The following CUL4A variants were observed in gnomAD, a reference collection of about 807,000 sequenced individuals.
The protein encoded by CUL4A is cullin 4A.
CUL4A carries 16 observed loss-of-function variants against 95.5 expected under a neutral mutation model. The observed-to-expected ratio is 0.17, with a 90% CI of 0.11 to 0.25. The LOEUF (loss-of-function observed/expected upper bound fraction) is 0.25. CUL4A is among the 10% of genes least tolerant of loss of function. CUL4A has a pLI of 1.00. For synonymous variants in CUL4A, 380 were observed against 353.1 expected (o/e 1.08, Z -0.85); for missense variants, 610 against 937.0 (o/e 0.65, Z 4.56).
rs374865686 is a variant in CUL4A, at chr13:113,221,990, A to G, written c.368+2942A>G. Among the ~76,000 whole-genome samples, 18 of 152,304 alleles carry G rather than the reference A, an allele frequency of 1.2e-4. No individual in the cohort carries two copies. The East Asian group carries it at 3.1e-3, about 26-fold the overall frequency. On this transcript the variant is annotated intron_variant, in intron 3 of 19. Coordinates refer to ENST00000375440, the MANE Select transcript of CUL4A (RefSeq NM_001008895.4). ...CGAAGCGATGTCTGGGCCATGTCCT[A>G]AAGGATGGATGAGGAAGTGGCAGGC...
intron 15 of CUL4A, among the ~76,000 whole-genome samples, chr13:113,250,308 C>T (rs1003408814): frequency 6.6e-5 from 10 of 151,940 alleles, no homozygotes; most frequent in African/African-American, 9.7e-5. Context: ...ACAGATTAGC[C>T]GCATGTCGTG....
chr13:113,255,716 C>T (rs1027475990), intron 18 of CUL4A, among the ~76,000 whole-genome samples: 2 of 152,094 alleles, frequency 1.3e-5, no homozygotes, highest in Non-Finnish European at 2.9e-5. Flanking sequence ...TGAGGTTCAC[C>T]GTGTCTTTTC....
At position 113,231,991 on chromosome 13, in the gene CUL4A, C is replaced by T. The variant is rs1043697429; in HGVS notation, c.513-1186C>T. Among the ~76,000 whole-genome samples, 12 of 151,318 alleles carry T rather than the reference C, an allele frequency of 7.9e-5. 1 individual carries two copies. Among genetic ancestry groups the T allele is most frequent in the Non-Finnish European group, 1.0e-4 (7 of 67,796 alleles). On this transcript the variant is annotated intron_variant, in intron 5 of 19. Transcript: ENST00000375440. ...TATTAATAATACTACCACCACCACC[C>T]GCCTACCACTGTTACTACTGCCACC...
In CUL4A at chr13:113,227,966, A is replaced by G. The variant is rs996633592; in HGVS notation, c.369-10A>G. 5 of 1,575,666 alleles carry G rather than the reference A, an allele frequency of 3.2e-6. No homozygotes were observed. The highest frequency in any genetic ancestry group is 1.4e-5 in the African/African-American group (1 of 73,760). On this transcript the variant is annotated splice_polypyrimidine_tract_variant and intron_variant, in intron 3 of 19. Coordinates refer to ENST00000375440, the MANE Select transcript of CUL4A (RefSeq NM_001008895.4). ...CAGCATTTTTAAAGTTTTCCTTAGC[A>G]GATCTGTACAGACTCACTAGATAGT...
At chr13:113,223,746 T>C (rs924818519) in intron 3 of CUL4A, among the ~76,000 whole-genome samples, 5 of 152,198 alleles carry the variant, frequency 3.3e-5, no homozygotes, top group Admixed American at 6.5e-5. Context: ...TATGCTGATA[T>C]TAGATTATAG....
At chr13:113,208,763 G>T (rs548394915), upstream of CUL4A, 3 of 1,445,752 alleles carry the variant, frequency 2.1e-6, no homozygotes, top group Non-Finnish European at 2.7e-6. Context: ...GTTGGTTCCG[G>T]AGGGAGAACC....
At position 113,230,364 on chromosome 13, in the gene CUL4A, C is replaced by T. The variant is rs1253843321; in HGVS notation, c.512+845C>T. ...TCGGTGACCTGCCAGTTACCAAATC[C>T]AGCAAGCATTTTTGTCCTTATTTTA... On this transcript the variant is annotated intron_variant, in intron 5 of 19. Transcript: ENST00000375440. 2.0e-5 allele frequency among the ~76,000 whole-genome samples: 3 copies of T among 152,172 alleles called. No homozygotes were observed. The East Asian group carries it at 5.8e-4, about 29-fold the overall frequency.
chr13:113,245,514 C>T (rs1474627485), intron 14 of CUL4A, among the ~76,000 whole-genome samples: 2 of 152,118 alleles, frequency 1.3e-5, no homozygotes, highest in Non-Finnish European at 2.9e-5. Flanking sequence ...TGCACCACTG[C>T]GCTCCAGCCT....
chr13:113,262,336 A>G (rs1264569936), intron 19 of CUL4A, among the ~76,000 whole-genome samples: 1 of 152,192 alleles, frequency 6.6e-6, no homozygotes, highest in East Asian at 1.9e-4. Flanking sequence ...CATGGCATGC[A>G]ATAACTATGT....
intron 3 of CUL4A, chr13:113,219,369 C>G (rs369803040): frequency 9.4e-4 from 211 of 224,356 alleles, no homozygotes; most frequent in African/African-American, 4.7e-3. Context: ...AAAGTCCCAT[C>G]GACTTGGCGA....
intron 5 of CUL4A, among the ~76,000 whole-genome samples, chr13:113,230,971 C>T (rs2041291249): frequency 6.6e-6 from 1 of 152,030 alleles, no homozygotes; most frequent in African/African-American, 2.4e-5. Context: ...CAGGATCTTG[C>T]TATGTTGCCC....
At position 113,257,636 on chromosome 13, in the gene CUL4A, G is replaced by C. The variant is rs2042162998; in HGVS notation, c.2031+2511G>C. The stretch of plus-strand genomic sequence containing the variant: ...GGGAGGGCCCAAGCCATTCATGAGG[G>C]ACCTGCCCCCACCCACCCGGTCCCA... On this transcript the variant is annotated intron_variant, in intron 18 of 19. Coordinates refer to ENST00000375440, the MANE Select transcript of CUL4A (RefSeq NM_001008895.4). Among the ~76,000 whole-genome samples, 3 of 152,230 alleles carry C rather than the reference G, an allele frequency of 2.0e-5. No homozygotes were observed. In the South Asian group the frequency reaches 6.2e-4, roughly 32 times the overall value.
chr13:113,238,295 A>T (rs566183853), intron 9 of CUL4A, among the ~76,000 whole-genome samples: 37 of 151,798 alleles, frequency 2.4e-4, no homozygotes, highest in African/African-American at 6.8e-4. Flanking sequence ...TAAAAATAAA[A>T]TTTTTTTTTA....
intron 8 of CUL4A, among the ~76,000 whole-genome samples, chr13:113,235,618 C>T (rs140093943): frequency 1.6e-4 from 25 of 152,080 alleles, no homozygotes; most frequent in Admixed American, 9.2e-4. Context: ...CACAGTGTGT[C>T]CATATGATGG....
intron 5 of CUL4A, 151 bp from the exon 6 acceptor site, chr13:113,233,024 CAG>C (rs1327019689): frequency 9.9e-5 from 77 of 775,266 alleles, no homozygotes; most frequent in Non-Finnish European, 1.2e-4. Flanking sequence ...GGCTGAGAAA[CAG>C]AAGTTTTTAA....
At chr13:113,245,690 G>A (rs1052560630) in intron 14 of CUL4A, among the ~76,000 whole-genome samples, 8 of 152,088 alleles carry the variant, frequency 5.3e-5, no homozygotes, top group East Asian at 1.9e-4. Flanking sequence ...CACTATTAAC[G>A]TTTCACAAGT....
upstream of CUL4A, chr13:113,208,620 G>A (rs754714207): frequency 3.1e-6 from 5 of 1,607,926 alleles, no homozygotes; most frequent in East Asian, 6.7e-5. Flanking sequence ...ACTGGTTAAT[G>A]GTAATGTGCG....
At chr13:113,256,925 C>CCTTTTTTTTTTTT (rs1491171316) in intron 18 of CUL4A, among the ~76,000 whole-genome samples, 1 of 37,276 alleles carries the variant, frequency 2.7e-5, no homozygotes, top group Non-Finnish European at 5.4e-5. Flanking sequence ...TTTTTTTTTT[C>CCTTTTTTTTTTTT]GTTTTTTTTT....
upstream of CUL4A, among the ~76,000 whole-genome samples, chr13:113,209,262 G>A (rs1237611066): frequency 6.8e-6 from 1 of 147,996 alleles, no homozygotes. Flanking sequence ...AGGGGTGCCC[G>A]CGGCACGCAT....
Sources: gnomAD v4.1 joint callset for allele counts (sites outside exome capture counted in the v4.1 genomes callset) on GRCh38, gnomAD v4.1.1 for gene constraint, MANE v1.5 for transcripts, NCBI Gene and HGNC (gene_info 2026-07-23, HGNC 2026-07-21) for gene names.